The following XDH variants were observed in gnomAD, a reference collection of about 807,000 sequenced individuals.
XDH encodes xanthine dehydrogenase.
XDH carries 138 observed loss-of-function variants against 156.1 expected under a neutral mutation model. The ratio of observed to expected loss-of-function variants is 0.88; its 90% CI spans 0.77 to 1.02. XDH has a LOEUF of 1.02. Ranked by LOEUF, XDH falls within the 50% of genes least tolerant of loss-of-function variation. The probability of loss-of-function intolerance (pLI) is 0.00; values close to 1 mark genes in which losing one functional copy is unlikely to be tolerated. For missense variants in XDH, 1,849 were observed against 1,684.9 expected (o/e 1.10, Z -1.71); for synonymous variants, 669 against 625.7 (o/e 1.07, Z -1.03).
chr2:31,350,259 G>A (rs369280615), intron 24 of XDH, 36 bp from the exon 25 acceptor site: 4 of 1,606,472 alleles, frequency 2.5e-6, no homozygotes, highest in South Asian at 1.1e-5. Flanking sequence ...AGAGAACAGT[G>A]TACTGATTGC....
chr2:31,393,167 T>G (rs1686812627), intron 6 of XDH, among the ~76,000 whole-genome samples: 1 of 152,212 alleles, frequency 6.6e-6, no homozygotes, highest in Admixed American at 6.5e-5. Flanking sequence ...ATGGTGCCGT[T>G]GAGTCCAACT....
chr2:31,366,039 C>T lies in XDH; in HGVS notation c.2393G>A (p.Gly798Asp). Reference protein sequence around the residue: ...IVVRVKRMGGGFGGKETRSTV... With the variant: ...IVVRVKRMGGDFGGKETRSTV... ...GCTCCGGGTCTCCTTGCCTCCAAAG[C>T]CTCCTCCCATTCTCTTCACTCGAAC... The change falls in exon 22 of 36, where the codon GGC becomes GAC. Residue 798 changes from glycine (G) to aspartate (D), a missense_variant. Coordinates refer to ENST00000379416, the MANE Select transcript of XDH (RefSeq NM_000379.4). The T allele has an allele frequency of 6.2e-7, 1 of 1,614,190 alleles. No individual in the cohort carries two copies. Among genetic ancestry groups the T allele is most frequent in the South Asian group, 1.1e-5 (1 of 91,080 alleles).
At chr2:31,339,701 G>A in intron 33 of XDH, 24 bp from the exon 34 acceptor site, 1 of 1,612,864 alleles carries the variant, frequency 6.2e-7, no homozygotes. Flanking sequence ...GGAGAGCACA[G>A]TTAGCCTGCC....
At chr2:31,399,786 T>C (rs1390280406) in intron 4 of XDH, among the ~76,000 whole-genome samples, 1 of 152,322 alleles carries the variant, frequency 6.6e-6, no homozygotes, top group Non-Finnish European at 1.5e-5. Context: ...ATGTAAGATG[T>C]GCTTTTCACC....
At chr2:31,403,489 C>T (rs1687116494) in intron 2 of XDH, among the ~76,000 whole-genome samples, 1 of 152,156 alleles carries the variant, frequency 6.6e-6, no homozygotes, top group Admixed American at 6.5e-5. Flanking sequence ...GTAAATCATA[C>T]ACCTGAGCAT....
rs779038719 is a variant in XDH at position 31,365,973 on chromosome 2, C to T, written c.2456+3G>A. Reference sequence around the variant, plus strand: ...GATGGGAGAAACAGGCTTTGGAACTCACTTATATGCAGCCAGGGCCACTGC... The same window carrying T: ...GATGGGAGAAACAGGCTTTGGAACTTACTTATATGCAGCCAGGGCCACTGC... On this transcript the variant is annotated splice_donor_region_variant and intron_variant, in intron 22 of 35. Coordinates refer to ENST00000379416, the MANE Select transcript of XDH (RefSeq NM_000379.4). The T allele has an allele frequency of 6.4e-5, 103 of 1,614,080 alleles. No individual in the cohort carries two copies. The highest frequency in any genetic ancestry group is 8.4e-5 in the Non-Finnish European group (99 of 1,180,042).
intron 33 of XDH, among the ~76,000 whole-genome samples, chr2:31,340,677 C>G (rs903358305): frequency 4.6e-5 from 7 of 152,096 alleles, no homozygotes; most frequent in Admixed American, 2.0e-4. Flanking sequence ...GCCATGTTGT[C>G]CAAGCTGGTC....
intron 20 of XDH, 64 bp from the exon 21 acceptor site, chr2:31,367,058 GGA>G: frequency 6.2e-7 from 1 of 1,612,798 alleles, no homozygotes; most frequent in South Asian, 1.1e-5. Context: ...GCTTGCCTAA[GGA>G]GAGAGTATAC....
At chr2:31,406,457 T>C (rs1000926906) in intron 1 of XDH, among the ~76,000 whole-genome samples, 4 of 152,196 alleles carry the variant, frequency 2.6e-5, no homozygotes, top group African/African-American at 9.7e-5. Flanking sequence ...TTTATAGCAA[T>C]GCATGAATGG....
intron 18 of XDH, among the ~76,000 whole-genome samples, chr2:31,370,076 C>T (rs1225231047): frequency 6.6e-6 from 1 of 152,178 alleles, no homozygotes; most frequent in Non-Finnish European, 1.5e-5. Flanking sequence ...ACTGTTGTCC[C>T]TTAAGAACCG....
At chr2:31,405,645 A>G (rs113215279) in intron 2 of XDH, among the ~76,000 whole-genome samples, 71 of 152,322 alleles carry the variant, frequency 4.7e-4, no homozygotes, top group African/African-American at 1.6e-3. Flanking sequence ...ACCTTTCTAC[A>G]GGCCCTGGAT....
chr2:31,335,964 C>T lies in XDH; in HGVS notation c.3996G>A (p.Arg1332=). The change falls in exon 36 of 36, where the codon AGG becomes AGA. Residue 1332 remains arginine, a synonymous_variant. Coordinates refer to ENST00000379416, the MANE Select transcript of XDH (RefSeq NM_000379.4). Reference sequence around the variant, plus strand: ...TCTGCTGAGGACTCTCTCTTTAGACCCTCACAGACCAGGGTTTGCAGTTTT... The same window carrying T: ...TCTGCTGAGGACTCTCTCTTTAGACTCTCACAGACCAGGGTTTGCAGTTTT... The part of the protein sequence containing the change: ...VPENCKPWSV[R]V 1 of 1,614,152 alleles carries T rather than the reference C, an allele frequency of 6.2e-7. No homozygotes were observed.
In XDH at chr2:31,368,601, C is replaced by G. The variant is rs1336222110; in HGVS notation, c.2040G>C (p.Gln680His). ...AVVADTPEHT[Q>H]RAAQGVKITY... is the part of the protein sequence containing the mutation. ...TGATTTTCACCCCTTGGGCAGCTCT[C>G]TGTGTGTGTTCCGGGGTGTCAGCAA... Residue 680 changes from glutamine (Q) to histidine (H), a missense_variant, in exon 19 of 36, where the codon CAG (glutamine) becomes CAC (histidine). Coordinates refer to ENST00000379416, the MANE Select transcript of XDH (RefSeq NM_000379.4). 1.6e-5 allele frequency: 26 copies of G among 1,614,218 alleles called. No individual in the cohort carries two copies. Among genetic ancestry groups the G allele is most frequent in the Non-Finnish European group, 2.2e-5 (26 of 1,180,030 alleles).
At chr2:31,404,299 C>A (rs1012857533) in intron 2 of XDH, among the ~76,000 whole-genome samples, 1 of 152,142 alleles carries the variant, frequency 6.6e-6, no homozygotes, top group African/African-American at 2.4e-5. Context: ...ACTTTGGGGG[C>A]ACCTGAAGAC....
At chr2:31,370,521 A>G (rs2148770801) in intron 17 of XDH, 43 bp from the exon 18 acceptor site, 2 of 1,612,408 alleles carry the variant, frequency 1.2e-6, no homozygotes, top group Non-Finnish European at 8.5e-7. Context: ...AGCAAGCTGG[A>G]GCAGGGGACC....
chr2:31,373,018 A>T (rs1686120260), intron 16 of XDH, among the ~76,000 whole-genome samples: 1 of 152,208 alleles, frequency 6.6e-6, no homozygotes, highest in African/African-American at 2.4e-5. Context: ...TAATCATAAC[A>T]ATGGCTAATG....
chr2:31,359,306 G>C (rs189244923), intron 24 of XDH, among the ~76,000 whole-genome samples: 93 of 151,556 alleles, frequency 6.1e-4, no homozygotes, highest in African/African-American at 2.2e-3. Context: ...TTTTGGAAGG[G>C]CTGTTTGACA....
chr2:31,411,753 C>T (rs1438966484), intron 1 of XDH, among the ~76,000 whole-genome samples: 1 of 152,234 alleles, frequency 6.6e-6, no homozygotes, highest in African/African-American at 2.4e-5. Context: ...GCATCTCATG[C>T]TGCTAGTTTT....
rs759180662 is a variant in XDH, at chr2:31,365,476, G to C, written c.2525C>G (p.Pro842Arg). Residue 842 changes from proline (P) to arginine (R), a missense_variant, in exon 23 of 36, where the codon CCC becomes CGC. Coordinates refer to ENST00000379416, the MANE Select transcript of XDH (RefSeq NM_000379.4). ...TAGAACCTTGTATCTGGCCAGGAAGGGATGTCTGCCACCAGTTATCAGCAT... is the reference window on the plus strand; with the variant it reads ...TAGAACCTTGTATCTGGCCAGGAAGCGATGTCTGCCACCAGTTATCAGCAT... ...EDMLITGGRH[P>R]FLARYKVGFM... is the part of the protein sequence containing the mutation. 2 of 1,614,168 alleles carry C rather than the reference G, an allele frequency of 1.2e-6. No individual in the cohort carries two copies. The highest frequency in any genetic ancestry group is 2.2e-5 in the South Asian group (2 of 91,076).
Sources: gnomAD v4.1 joint callset for allele counts (sites outside exome capture counted in the v4.1 genomes callset) on GRCh38, gnomAD v4.1.1 for gene constraint, MANE v1.5 for transcripts, NCBI Gene and HGNC (gene_info 2026-07-23, HGNC 2026-07-21) for gene names.